The following LRCH2 variants were observed in gnomAD, a reference collection of about 807,000 sequenced individuals.
LRCH2 encodes the protein leucine rich repeats and calponin homology domain containing 2.
A neutral mutation model predicts 68.9 loss-of-function variants in LRCH2; 38 were observed. That is an observed-to-expected ratio of 0.55 (90% CI 0.43 to 0.72). The LOEUF (loss-of-function observed/expected upper bound fraction) is 0.72, where lower values mean the gene tolerates loss of function less well. LRCH2 is among the 30% of genes least tolerant of loss of function. LRCH2 has a pLI of 0.00. For synonymous variants in LRCH2, 191 were observed against 208.1 expected (o/e 0.92, Z 0.71); for missense variants, 528 against 572.9 (o/e 0.92, Z 0.80).
At chrX:115,219,483 G>C (rs72620923) in intron 1 of LRCH2, among the ~76,000 whole-genome samples, 24 of 111,462 alleles carry the variant, frequency 2.2e-4, no homozygotes, top group Non-Finnish European at 4.1e-4. Context: ...TCAGCACGGC[G>C]GCAGCTGCCA....
chrX:115,124,013 A>T lies in LRCH2; in HGVS notation c.1792-11T>A, dbSNP rs1464185483. The T allele has an allele frequency of 2.0e-6, 2 of 988,577 alleles. No individual in the cohort carries two copies. The highest frequency in any genetic ancestry group is 2.7e-6 in the Non-Finnish European group (2 of 751,873). The allele number at this position is 988,577 out of a possible 1,213,427, so 81.5% of individuals were successfully genotyped here. ...AGTTCTGTCATATTCCTAAAAAAAA[A>T]TTAAAAAGTTAAAAATAAATAAATA... is the stretch of plus-strand genomic sequence containing the variant. On this transcript the variant is annotated splice_polypyrimidine_tract_variant and intron_variant, in intron 16 of 20. Transcript: ENST00000317135.
chrX:115,205,017 A>T (rs1403728499), intron 1 of LRCH2, among the ~76,000 whole-genome samples: 1 of 111,967 alleles, frequency 8.9e-6, no homozygotes, highest in Non-Finnish European at 1.9e-5. Flanking sequence ...TAAAGAAAAG[A>T]GGTTTAATTG....
At chrX:115,191,685 C>G (rs943775900) in intron 1 of LRCH2, 3 of 1,159,336 alleles carry the variant, frequency 2.6e-6, no homozygotes, top group Non-Finnish European at 3.4e-6. Flanking sequence ...GTCGCTCACT[C>G]GATGCCAACA....
chrX:115,142,753 T>A (rs781898294), intron 14 of LRCH2, among the ~76,000 whole-genome samples: 46 of 111,505 alleles, frequency 4.1e-4, no homozygotes, highest in African/African-American at 1.4e-3. Flanking sequence ...AACATAATGA[T>A]TCATCTTAAA....
chrX:115,221,182 A>C (rs1185239660), intron 1 of LRCH2, among the ~76,000 whole-genome samples: 50 of 68,744 alleles, frequency 7.3e-4, no homozygotes, highest in East Asian at 1.2e-3. Context: ...ATCTTAACAA[A>C]AAAAAAAAAA....
chrX:115,173,227 G>A (rs1232301052), intron 5 of LRCH2, among the ~76,000 whole-genome samples: 2 of 111,713 alleles, frequency 1.8e-5, no homozygotes, highest in African/African-American at 3.3e-5. Flanking sequence ...GATGAAAGAC[G>A]TACACTGACA....
rs1392867920 is a variant in LRCH2 at position 115,112,025 on chromosome X, G to A, written c.*1191C>T. On this transcript the variant is annotated 3_prime_UTR_variant, in exon 21 of 21. Transcript: ENST00000317135. ...CCAATGTAAATTTACCCATACCTAA[G>A]TTAAAACAAGGACTTTGTGTAACAC... The A allele has an allele frequency of 8.9e-6, 1 of 112,005 alleles. No individual in the cohort carries two copies. The highest frequency in any genetic ancestry group is 1.9e-5 in the Non-Finnish European group (1 of 53,021). The allele number at this position is 112,005 out of a possible 1,213,427, so 9.2% of individuals were successfully genotyped here. A position where few individuals can be genotyped will look rare whatever the true frequency, so the allele number is the denominator to read the frequency against.
intron 20 of LRCH2, among the ~76,000 whole-genome samples, chrX:115,116,872 C>T (rs1290080751): frequency 4.5e-5 from 5 of 110,534 alleles, no homozygotes; most frequent in African/African-American, 6.5e-5. Context: ...TTGGATTATA[C>T]GAAGATTTCC....
chrX:115,167,039 G>A (rs1480866806), intron 6 of LRCH2, among the ~76,000 whole-genome samples: 5 of 107,204 alleles, frequency 4.7e-5, no homozygotes, highest in Non-Finnish European at 9.7e-5. Context: ...TTTTATATAT[G>A]ATAAAACTTT....
chrX:115,206,256 C>T (rs2072966031), intron 1 of LRCH2, among the ~76,000 whole-genome samples: 2 of 112,216 alleles, frequency 1.8e-5, no homozygotes, highest in South Asian at 7.3e-4. Context: ...AATTATTATT[C>T]TAATTTAATG....
chrX:115,113,248 T>C lies in LRCH2; in HGVS notation c.2266A>G (p.Thr756Ala). 1 of 1,197,990 alleles carries C rather than the reference T, an allele frequency of 8.3e-7. No individual in the cohort carries two copies. Reference protein sequence around the residue: ...VTVQALLELPTTKASQLSVA With the variant: ...VTVQALLELPATKASQLSVA The stretch of plus-strand genomic sequence containing the variant: ...ACAGAAAGCTGAGATGCCTTGGTTG[T>C]TGGTAATTCAAGGAGCGCCTGAACT... Residue 756 changes from threonine (T) to alanine (A), a missense_variant, in exon 21 of 21, where the codon ACA (threonine) becomes GCA (alanine). Thr to Ala is a moderately conservative substitution (Grantham distance 58). Transcript: ENST00000317135.
At chrX:115,146,853 C>G (rs2072386806) in intron 14 of LRCH2, among the ~76,000 whole-genome samples, 1 of 101,628 alleles carries the variant, frequency 9.8e-6, no homozygotes, top group African/African-American at 3.6e-5. Context: ...AAAATACTAT[C>G]CAAAATTAGC....
intron 14 of LRCH2, among the ~76,000 whole-genome samples, chrX:115,144,565 C>A (rs868966753): frequency 1.6e-4 from 15 of 95,999 alleles, no homozygotes; most frequent in African/African-American, 2.2e-4. Flanking sequence ...TAGACTCCAC[C>A]AAAAAAAAAA....
chrX:115,153,813 T>A lies in LRCH2; in HGVS notation c.1529+2789A>T, dbSNP rs181186324. Among the ~76,000 whole-genome samples the A allele has an allele frequency of 5.3e-3, 583 of 109,866 alleles. 4 individuals carry two copies. Among genetic ancestry groups the A allele is most frequent in the African/African-American group, 0.018 (557 of 30,283 alleles). ...AGCCCACAAAGGAAATAAACAAAAA[T>A]TTTTAAATATAATTCAAAAGACAAC... is the stretch of plus-strand genomic sequence containing the variant. On this transcript the variant is annotated intron_variant, in intron 12 of 20. Coordinates refer to ENST00000317135, the MANE Select transcript of LRCH2 (RefSeq NM_020871.4).
chrX:115,144,007 G>A (rs782013330), intron 14 of LRCH2, among the ~76,000 whole-genome samples: 3 of 111,865 alleles, frequency 2.7e-5, no homozygotes, highest in South Asian at 3.8e-4. Flanking sequence ...TAACTCACAC[G>A]ATTCACAAGT....
chrX:115,187,879 T>G (rs2072745820), intron 2 of LRCH2, among the ~76,000 whole-genome samples: 1 of 112,721 alleles, frequency 8.9e-6, no homozygotes, highest in African/African-American at 3.2e-5. Flanking sequence ...CAGGAAATAT[T>G]TATGGTCTAA....
At chrX:115,215,460 A>C (rs2147357087) in intron 1 of LRCH2, among the ~76,000 whole-genome samples, 1 of 111,123 alleles carries the variant, frequency 9.0e-6, no homozygotes, top group South Asian at 3.8e-4. Flanking sequence ...ATGATAACAT[A>C]ATTTGGCCAG....
intron 20 of LRCH2, among the ~76,000 whole-genome samples, chrX:115,121,003 C>A (rs1216602456): frequency 2.0e-5 from 2 of 99,936 alleles, no homozygotes; most frequent in African/African-American, 7.4e-5. Flanking sequence ...GGGGAACATC[C>A]CACTCTGGGG....
At position 115,233,953 on chromosome X, in the gene LRCH2, C is replaced by T; in HGVS notation, c.89G>A (p.Gly30Glu). The change falls in exon 1 of 21, where the codon GGG (glycine) becomes GAG (glutamate). Residue 30 changes from glycine (G) to glutamate (E), a missense_variant. Physicochemically the swap from Gly to Glu is moderately conservative, Grantham distance 98. Coordinates refer to ENST00000317135, the MANE Select transcript of LRCH2 (RefSeq NM_020871.4). ...GSSGGCGTAGGGGGGAGGGGG... is the reference protein window; with the variant it reads ...GSSGGCGTAGEGGGGAGGGGG... ...TCCCCCTCCAGCCCCGCCACCTCCC[C>T]CTCCAGCCGTGCCACAGCCACCGCT... 1.7e-6 allele frequency: 2 copies of T among 1,164,509 alleles called. No homozygotes were observed. Among genetic ancestry groups the T allele is most frequent in the Non-Finnish European group, 2.3e-6 (2 of 871,460 alleles).
Sources: allele counts gnomAD v4.1 joint callset (sites outside exome capture counted in the v4.1 genomes callset), GRCh38; gene constraint gnomAD v4.1.1; transcripts MANE v1.5; gene names NCBI Gene and HGNC (gene_info 2026-07-23, HGNC 2026-07-21).